FBXO42: variants seen among roughly 807,000 people sequenced by gnomAD.
The protein encoded by FBXO42 is F-box protein 42.
Under a neutral mutation model 71.7 loss-of-function variants are expected in FBXO42, and 12 were observed. That is an observed-to-expected ratio of 0.17 (90% confidence interval 0.11 to 0.27). The LOEUF (loss-of-function observed/expected upper bound fraction) is 0.27, where lower values mean the gene tolerates loss of function less well. FBXO42 is among the 10% of genes least tolerant of loss of function. FBXO42 has a pLI of 1.00. For missense variants in FBXO42, 707 were observed against 911.9 expected (o/e 0.78, Z 2.89); for synonymous variants, 325 against 327.5 (o/e 0.99, Z 0.08).
At chr1:16,282,881 TGAG>T (rs2081979402) in intron 4 of FBXO42, among the ~76,000 whole-genome samples, 1 of 151,472 alleles carries the variant, frequency 6.6e-6, no homozygotes, top group African/African-American at 2.4e-5. Context: ...CTCAGGAAGC[TGAG>T]GCAGGAGAAC....
At chr1:16,325,213 G>C (rs572911476) in intron 1 of FBXO42, among the ~76,000 whole-genome samples, 2 of 151,964 alleles carry the variant, frequency 1.3e-5, no homozygotes. Context: ...ACTCCAGCTT[G>C]GGCAACAGAG....
At position 16,251,129 on chromosome 1, in the gene FBXO42, C is replaced by G. The variant is rs1171674255; in HGVS notation, c.1695G>C (p.Ala565=). 2.5e-6 allele frequency: 4 copies of G among 1,614,118 alleles called. No homozygotes were observed. In the East Asian group the frequency reaches 8.9e-5, roughly 36 times the overall value. Reference sequence around the variant, plus strand: ...AGGCCGAGGGGCCTTTGGAGGACATCGCTTTGATGGCTTCCAGACTCCGAC... The same window carrying G: ...AGGCCGAGGGGCCTTTGGAGGACATGGCTTTGATGGCTTCCAGACTCCGAC... ...ALRRSLEAIK[A]MSSKGPSASA... is the part of the protein sequence containing the mutation. Residue 565 remains alanine (A), a synonymous_variant, in exon 10 of 10, where the codon GCG becomes GCC. Transcript: ENST00000375592. This position sits in a 1 kb window ranked among gnomAD's most constrained non-coding sequence, Gnocchi z 4.5.
intron 4 of FBXO42, among the ~76,000 whole-genome samples, chr1:16,267,577 A>G (rs1462237307): frequency 6.6e-6 from 1 of 152,174 alleles, no homozygotes; most frequent in African/African-American, 2.4e-5. Context: ...CATACCCTAG[A>G]GGCATCAGCC....
In FBXO42 at chr1:16,316,707, C is replaced by T. The variant is rs529763180; in HGVS notation, c.-17-1272G>A. Among the ~76,000 whole-genome samples, 3 of 138,252 alleles carry T rather than the reference C, an allele frequency of 2.2e-5. No homozygotes were observed. In the South Asian group the frequency reaches 6.8e-4, roughly 31 times the overall value. 90.7% of individuals were successfully genotyped at this position (138,252 alleles called of 152,430 possible). A position where few individuals can be genotyped will look rare whatever the true frequency, so the allele number is the denominator to read the frequency against. ...TCGAGATCATGCCACTGCACTCCAG[C>T]CTGGGACACAGAGAAAGACTCTCAA... On this transcript the variant is annotated intron_variant, in intron 1 of 9. Coordinates refer to ENST00000375592, the MANE Select transcript of FBXO42 (RefSeq NM_018994.3).
At chr1:16,258,287 AG>A (rs1424515179) in intron 4 of FBXO42, among the ~76,000 whole-genome samples, 4 of 152,122 alleles carry the variant, frequency 2.6e-5, no homozygotes, top group African/African-American at 9.7e-5. Context: ...TTTACTGAGA[AG>A]GCATCAGTCC....
chr1:16,274,561 T>TCC (rs111896969), intron 4 of FBXO42, among the ~76,000 whole-genome samples: 62 of 117,054 alleles, frequency 5.3e-4, no homozygotes, highest in African/African-American at 2.1e-3. Context: ...GTAATGTATA[T>TCC]CCCCCCCCCA....
chr1:16,312,799 T>C (rs1272951550), intron 2 of FBXO42, among the ~76,000 whole-genome samples: 1 of 60,882 alleles, frequency 1.6e-5, no homozygotes, highest in Non-Finnish European at 3.8e-5. Flanking sequence ...TTTGTTTTGC[T>C]TTTTTTTTTT....
At chr1:16,328,018 T>C (rs2082465125) in intron 1 of FBXO42, among the ~76,000 whole-genome samples, 1 of 152,078 alleles carries the variant, frequency 6.6e-6, no homozygotes, top group Non-Finnish European at 1.5e-5. Flanking sequence ...TCTGAAACAA[T>C]CAAAATGATA....
intron 1 of FBXO42, among the ~76,000 whole-genome samples, chr1:16,347,636 C>T (rs897283727): frequency 6.6e-6 from 1 of 152,222 alleles, no homozygotes; most frequent in African/African-American, 2.4e-5. Context: ...CAGCGGATCA[C>T]CTGAGATCAG....
chr1:16,257,848 T>C (rs1226965533), intron 4 of FBXO42, among the ~76,000 whole-genome samples: 6 of 152,262 alleles, frequency 3.9e-5, no homozygotes, highest in East Asian at 3.9e-4. Flanking sequence ...GCCCAGCTAA[T>C]TGTTGCATTT....
chr1:16,347,511 C>T (rs2082662704), intron 1 of FBXO42, among the ~76,000 whole-genome samples: 1 of 151,808 alleles, frequency 6.6e-6, no homozygotes, highest in African/African-American at 2.4e-5. Context: ...GAGACTTCCT[C>T]TCAAAACAAA....
chr1:16,295,814 G>A lies in FBXO42; in HGVS notation c.368-897C>T, dbSNP rs141111842. Reference sequence around the variant, plus strand: ...TTTTATTAATTCCAAAGGCCAGTGGGGGAAACTCAATAGTAGTATGGTCTT... The same window carrying A: ...TTTTATTAATTCCAAAGGCCAGTGGAGGAAACTCAATAGTAGTATGGTCTT... On this transcript the variant is annotated intron_variant, in intron 3 of 9. Transcript: ENST00000375592. 5.2e-3 allele frequency among the ~76,000 whole-genome samples: 791 copies of A among 152,232 alleles called. 4 individuals carry two copies. The highest frequency in any genetic ancestry group is 8.2e-3 in the Non-Finnish European group (558 of 68,022).
At chr1:16,306,934 G>A (rs940831905) in intron 2 of FBXO42, among the ~76,000 whole-genome samples, 29 of 151,744 alleles carry the variant, frequency 1.9e-4, no homozygotes, top group Non-Finnish European at 1.5e-5. Context: ...ACAGAGTCTC[G>A]CTCTGTTGCC....
At chr1:16,344,640 G>A (rs532753341) in intron 1 of FBXO42, among the ~76,000 whole-genome samples, 2 of 151,772 alleles carry the variant, frequency 1.3e-5, no homozygotes, top group Admixed American at 1.3e-4. Context: ...CCATCCAGTT[G>A]TTACATTTTT....
Position 16,252,210 on chromosome 1 carries a change from T to C in FBXO42, c.1038+78A>G. 1 of 1,121,336 alleles carries C rather than the reference T, an allele frequency of 8.9e-7. No individual in the cohort carries two copies. Among genetic ancestry groups the C allele is most frequent in the Non-Finnish European group, 1.3e-6 (1 of 746,306 alleles). 69.5% of individuals were successfully genotyped at this position (1,121,336 alleles called of 1,614,324 possible). On this transcript the variant is annotated intron_variant, in intron 9 of 9. Coordinates refer to ENST00000375592, the MANE Select transcript of FBXO42 (RefSeq NM_018994.3). This position sits in a 1 kb window ranked among gnomAD's most constrained non-coding sequence, Gnocchi z 4.4. ...TGTTTTCTATTTTTGTACAAATTTC[T>C]TTGTAACCTGACAAAGTAATGTGGT... is the stretch of plus-strand genomic sequence containing the variant.
In FBXO42 at chr1:16,252,509, A is replaced by AT. The variant is rs567429531; in HGVS notation, c.922-106dup. On this transcript the variant is annotated intron_variant, in intron 8 of 9. Coordinates refer to ENST00000375592, the MANE Select transcript of FBXO42 (RefSeq NM_018994.3). This position sits in a 1 kb window ranked among gnomAD's most constrained non-coding sequence, Gnocchi z 4.4. ...AGCTCTCCTGTCTGGTCTTGAAAGGATGTGGACTCTTCAGAAGGATAGCAA... is the reference window on the plus strand; with the variant it reads ...AGCTCTCCTGTCTGGTCTTGAAAGGATTGTGGACTCTTCAGAAGGATAGCAA... 105 of 877,172 alleles carry AT rather than the reference A, an allele frequency of 1.2e-4. No homozygotes were observed. Among genetic ancestry groups the AT allele is most frequent in the African/African-American group, 7.7e-4 (47 of 60,866 alleles). The allele number at this position is 877,172 out of a possible 1,614,324, so 54.3% of individuals were successfully genotyped here. A position where few individuals can be genotyped will look rare whatever the true frequency, so the allele number is the denominator to read the frequency against.
intron 4 of FBXO42, among the ~76,000 whole-genome samples, chr1:16,287,040 A>G (rs2082028850): frequency 6.6e-6 from 1 of 152,130 alleles, no homozygotes; most frequent in African/African-American, 2.4e-5. Context: ...AACCTACACA[A>G]CTAGCCATTC....
chr1:16,321,854 A>G (rs1301329074), intron 1 of FBXO42, among the ~76,000 whole-genome samples: 1 of 152,194 alleles, frequency 6.6e-6, no homozygotes, highest in Admixed American at 6.6e-5. Context: ...CACTGTGCCC[A>G]GTAGTTATTT....
intron 4 of FBXO42, among the ~76,000 whole-genome samples, chr1:16,284,315 G>T (rs2081998553): frequency 6.6e-6 from 1 of 152,076 alleles, no homozygotes; most frequent in Non-Finnish European, 1.5e-5. Flanking sequence ...CTTCCACCAG[G>T]ATCCACTGCA....
Sources: gnomAD v4.1 joint callset for allele counts (sites outside exome capture counted in the v4.1 genomes callset) on GRCh38, gnomAD v4.1.1 for gene constraint, Gnocchi (gnomAD v3.1) non-coding constraint, MANE v1.5 for transcripts, NCBI Gene and HGNC (gene_info 2026-07-23, HGNC 2026-07-21) for gene names.